TMCC3: variants seen among roughly 807,000 people sequenced by gnomAD.
The protein encoded by TMCC3 is transmembrane and coiled-coil domain protein 3.
Under a neutral mutation model 40.2 loss-of-function variants are expected in TMCC3, and 28 were observed. The ratio of observed to expected loss-of-function variants is 0.70; its 90% CI spans 0.52 to 0.95. The LOEUF is 0.95. Ranked by LOEUF, TMCC3 falls within the 40% of genes least tolerant of loss-of-function variation. TMCC3 has a pLI of 0.00. For missense variants in TMCC3, 554 were observed against 615.2 expected, an observed-to-expected ratio of 0.90 and a Z score of 1.05; for synonymous variants, 255 against 248.5, an observed-to-expected ratio of 1.03 and a Z score of -0.25.
intron 1 of TMCC3, among the ~76,000 whole-genome samples, chr12:94,598,954 G>T (rs2449663): frequency 0.3 from 46,278 of 151,964 alleles, 8,961 homozygotes; most frequent in Middle Eastern, 0.43. Flanking sequence ...CAAAACACTC[G>T]CAGCAACCAG....
chr12:94,572,344 T>C, intron 3 of TMCC3, among the ~76,000 whole-genome samples: 1 of 96,644 alleles, frequency 1.0e-5, no homozygotes, highest in African/African-American at 4.1e-5. Flanking sequence ...AGAGTTTCAC[T>C]CTGTCACCCA....
intron 3 of TMCC3, among the ~76,000 whole-genome samples, chr12:94,576,423 A>G (rs1566313236): frequency 6.6e-6 from 1 of 152,364 alleles, no homozygotes; most frequent in South Asian, 2.1e-4. Flanking sequence ...CTAGAGCTGG[A>G]GAAAATGACT....
chr12:94,586,700 G>A (rs2068640381), intron 1 of TMCC3, among the ~76,000 whole-genome samples: 1 of 152,224 alleles, frequency 6.6e-6, no homozygotes, highest in African/African-American at 2.4e-5. Context: ...ATCCAATTCT[G>A]AGTCTCAAGG....
At chr12:94,581,290 T>C (rs1477991906) in intron 2 of TMCC3, among the ~76,000 whole-genome samples, 4 of 152,200 alleles carry the variant, frequency 2.6e-5, no homozygotes, top group Non-Finnish European at 5.9e-5. Context: ...AGTTGTGGCA[T>C]TGTGCTGACA....
chr12:94,584,555 C>T (rs1373317745), intron 1 of TMCC3, among the ~76,000 whole-genome samples: 1 of 151,744 alleles, frequency 6.6e-6, no homozygotes, highest in Non-Finnish European at 1.5e-5. Context: ...TAACACTTCA[C>T]CACGTTATAA....
At chr12:94,577,968 G>A (rs1311502793) in intron 3 of TMCC3, among the ~76,000 whole-genome samples, 3 of 151,412 alleles carry the variant, frequency 2.0e-5, no homozygotes, top group Non-Finnish European at 4.4e-5. Flanking sequence ...CCAACATGGT[G>A]AAACCCCGTC....
intron 1 of TMCC3, among the ~76,000 whole-genome samples, chr12:94,609,278 T>A (rs938087374): frequency 6.6e-6 from 1 of 151,952 alleles, no homozygotes; most frequent in African/African-American, 2.4e-5. Context: ...TTTGACAAGG[T>A]CACAAACTAG....
Position 94,615,004 on chromosome 12 carries a change from C to T in TMCC3, c.79-32466G>A, listed in dbSNP as rs2068840017. Among the ~76,000 whole-genome samples the T allele has an allele frequency of 2.0e-5, 3 of 152,170 alleles. No individual in the cohort carries two copies. In the South Asian group the frequency reaches 6.2e-4, roughly 32 times the overall value. On this transcript the variant is annotated intron_variant, in intron 1 of 3. Transcript: ENST00000261226. The stretch of plus-strand genomic sequence containing the variant: ...AATGACAAGCAGCAAACTTTTCCAA[C>T]TTTCCCTCCTCTCCCACCCCCAGGT...
chr12:94,597,158 T>TATATATA (rs2068722206), intron 1 of TMCC3, among the ~76,000 whole-genome samples: 1 of 12,458 alleles, frequency 8.0e-5, no homozygotes, highest in African/African-American at 1.7e-4. Flanking sequence ...TATATATATA[T>TATATATA]GTATATAAAT....
At chr12:94,624,307 T>C (rs955366494) in intron 1 of TMCC3, among the ~76,000 whole-genome samples, 15 of 152,160 alleles carry the variant, frequency 9.9e-5, no homozygotes, top group African/African-American at 3.6e-4. Context: ...TAAAAACATA[T>C]ACCCCCACAA....
intron 1 of TMCC3, among the ~76,000 whole-genome samples, chr12:94,608,800 T>C (rs529797691): frequency 6.6e-6 from 1 of 152,314 alleles, no homozygotes; most frequent in African/African-American, 2.4e-5. Context: ...GAGTGCCACA[T>C]GTATGTAGAC....
At chr12:94,583,631 G>A (rs2068620861) in intron 1 of TMCC3, among the ~76,000 whole-genome samples, 1 of 152,242 alleles carries the variant, frequency 6.6e-6, no homozygotes, top group Non-Finnish European at 1.5e-5. Flanking sequence ...GGGGTGGCAA[G>A]TTTGTGCTCT....
intron 1 of TMCC3, among the ~76,000 whole-genome samples, chr12:94,608,522 C>T (rs1210597331): frequency 6.6e-6 from 1 of 152,122 alleles, no homozygotes; most frequent in Admixed American, 6.5e-5. Flanking sequence ...TGTTACACTG[C>T]ACACCTGGAC....
chr12:94,571,101 G>C lies in TMCC3; in HGVS notation c.*334C>G, dbSNP rs965648440. On this transcript the variant is annotated 3_prime_UTR_variant, in exon 4 of 4. Transcript: ENST00000261226. ...GAAGCTCAATTCTGACAGAGACTTA[G>C]GAGAGAGACCTCTTTCTTCAGGATC... is the stretch of plus-strand genomic sequence containing the variant. 7.0e-6 allele frequency: 2 copies of C among 284,906 alleles called. No homozygotes were observed. Among genetic ancestry groups the C allele is most frequent in the African/African-American group, 4.3e-5 (2 of 46,064 alleles). 17.6% of individuals were successfully genotyped at this position (284,906 alleles called of 1,614,324 possible). A position where few individuals can be genotyped will look rare whatever the true frequency, so the allele number is the denominator to read the frequency against.
intron 1 of TMCC3, among the ~76,000 whole-genome samples, chr12:94,589,075 G>A (rs1434060880): frequency 1.1e-4 from 17 of 151,980 alleles, no homozygotes; most frequent in Admixed American, 1.0e-3. Context: ...CGCCCACATC[G>A]GCCCCCCAAA....
intron 1 of TMCC3, 48 bp downstream of exon 1, chr12:94,650,305 G>GC: frequency 8.6e-7 from 1 of 1,161,770 alleles, no homozygotes; most frequent in Non-Finnish European, 1.1e-6. Flanking sequence ...AGCCCGCCTC[G>GC]CCCCCGGGCC....
chr12:94,633,630 A>C (rs1271669294), intron 1 of TMCC3, among the ~76,000 whole-genome samples: 1 of 152,178 alleles, frequency 6.6e-6, no homozygotes. Context: ...ATGTCACTGC[A>C]TTTACTTCTA....
At chr12:94,581,502 G>T (rs780622409) in intron 2 of TMCC3, 120 bp downstream of exon 2, 2 of 576,654 alleles carry the variant, frequency 3.5e-6, no homozygotes, top group African/African-American at 3.9e-5. Context: ...CACCTATCAC[G>T]TACCCACTAA....
chr12:94,593,429 A>G (rs201614030), intron 1 of TMCC3, among the ~76,000 whole-genome samples: 1 of 108,070 alleles, frequency 9.3e-6, no homozygotes, highest in African/African-American at 3.4e-5. Context: ...AGAAGGAAGA[A>G]GAAGGAGAAG....
Sources: allele counts gnomAD v4.1 joint callset (sites outside exome capture counted in the v4.1 genomes callset), GRCh38; gene constraint gnomAD v4.1.1; transcripts MANE v1.5; gene names NCBI Gene and HGNC (gene_info 2026-07-23, HGNC 2026-07-21).